The following CHN2 variants were observed in gnomAD, a reference collection of about 807,000 sequenced individuals.
CHN2 encodes the protein chimerin 2, also known as beta-chimaerin.
CHN2 carries 35 observed loss-of-function variants against 56.3 expected under a neutral mutation model. That is an observed-to-expected ratio of 0.62 (90% confidence interval 0.47 to 0.82). The LOEUF is 0.82. Among genes scored for constraint, CHN2 ranks in the 40% least tolerant of loss-of-function variants. The pLI is 0.00. For synonymous variants in CHN2, 210 were observed against 212.8 expected (o/e 0.99, Z 0.12); for missense variants, 491 against 580.5 (o/e 0.85, Z 1.58).
At chr7:29,164,656 C>T (rs1254811107) in intron 2 of CHN2, among the ~76,000 whole-genome samples, 1 of 151,698 alleles carries the variant, frequency 6.6e-6, no homozygotes, top group African/African-American at 2.4e-5. Flanking sequence ...TGGCATATGC[C>T]TGTAATCCCA....
chr7:29,363,787 T>C (rs780969399), intron 2 of CHN2, among the ~76,000 whole-genome samples: 8 of 152,032 alleles, frequency 5.3e-5, no homozygotes, highest in Non-Finnish European at 1.0e-4. Context: ...GATACTTGAA[T>C]GAAGGGAGAG....
rs115985791 is a variant in CHN2 at position 29,437,816 on chromosome 7, C to T, written c.576+36988C>T. 4.1e-3 allele frequency among the ~76,000 whole-genome samples: 621 copies of T among 152,056 alleles called. 5 individuals carry two copies. The highest frequency in any genetic ancestry group is 0.014 in the African/African-American group (585 of 41,524). On this transcript the variant is annotated intron_variant, in intron 6 of 12. Transcript: ENST00000222792. Reference sequence around the variant, plus strand: ...GGAATAAAATAAAAAGCTATTATATCATTTATATTTAAGTTAAATATACAA... The same window carrying T: ...GGAATAAAATAAAAAGCTATTATATTATTTATATTTAAGTTAAATATACAA...
chr7:29,183,040 T>C (rs1662997462), intron 2 of CHN2, among the ~76,000 whole-genome samples: 1 of 151,956 alleles, frequency 6.6e-6, no homozygotes, highest in Admixed American at 6.6e-5. Context: ...ATCTTCCCAT[T>C]ATATGAGACA....
At chr7:29,254,376 A>T (rs970889836) in intron 1 of CHN2, among the ~76,000 whole-genome samples, 8 of 152,382 alleles carry the variant, frequency 5.2e-5, no homozygotes, top group African/African-American at 1.9e-4. Flanking sequence ...TATAAAACAT[A>T]TTCAAAGTAA....
At chr7:29,415,527 C>T (rs1218354307) in intron 6 of CHN2, among the ~76,000 whole-genome samples, 1 of 152,214 alleles carries the variant, frequency 6.6e-6, no homozygotes, top group Non-Finnish European at 1.5e-5. Flanking sequence ...ACAGGCCATG[C>T]CTGGCAGAGA....
chr7:29,181,771 G>A (rs1309697766), intron 2 of CHN2, among the ~76,000 whole-genome samples: 3 of 152,002 alleles, frequency 2.0e-5, no homozygotes, highest in African/African-American at 4.8e-5. Flanking sequence ...TTTTTATATA[G>A]GTCCTAACAA....
intron 6 of CHN2, among the ~76,000 whole-genome samples, chr7:29,458,102 G>A (rs1486053621): frequency 6.6e-6 from 1 of 152,112 alleles, no homozygotes; most frequent in South Asian, 2.1e-4. Context: ...GTTATTGTAT[G>A]TCACAAAAGA....
At chr7:29,355,114 A>G (rs977971567) in intron 2 of CHN2, among the ~76,000 whole-genome samples, 2 of 151,886 alleles carry the variant, frequency 1.3e-5, no homozygotes, top group Admixed American at 6.6e-5. Context: ...GATTACAGGC[A>G]TGCGCCACCA....
chr7:29,365,611 TAGAC>T (rs1196375470), intron 2 of CHN2, among the ~76,000 whole-genome samples: 5 of 152,094 alleles, frequency 3.3e-5, no homozygotes, highest in African/African-American at 1.2e-4. Flanking sequence ...GAAGATGTCA[TAGAC>T]AGAAGGAATA....
chr7:29,326,250 T>G (rs1450628111), intron 1 of CHN2, among the ~76,000 whole-genome samples: 1 of 152,134 alleles, frequency 6.6e-6, no homozygotes, highest in African/African-American at 2.4e-5. Context: ...CTCCGCTTCC[T>G]GGGTTAAAGC....
intron 1 of CHN2, among the ~76,000 whole-genome samples, chr7:29,259,009 A>AGT (rs1481889949): frequency 1.4e-5 from 2 of 142,812 alleles, no homozygotes; most frequent in Non-Finnish European, 3.0e-5. Flanking sequence ...CACATAGTGG[A>AGT]GTACTATGTA....
At chr7:29,309,040 T>C (rs373992186) in intron 1 of CHN2, among the ~76,000 whole-genome samples, 5 of 152,098 alleles carry the variant, frequency 3.3e-5, no homozygotes, top group African/African-American at 1.2e-4. Context: ...GAATGGATGA[T>C]GAATGAATGA....
chr7:29,220,028 T>C (rs552230550), intron 1 of CHN2, among the ~76,000 whole-genome samples: 1 of 152,076 alleles, frequency 6.6e-6, no homozygotes, highest in East Asian at 1.9e-4. Context: ...TGAGCTGAGA[T>C]TGCGCCATTG....
chr7:29,388,720 CATATT>C (rs1286861887), intron 3 of CHN2, among the ~76,000 whole-genome samples: 3 of 152,060 alleles, frequency 2.0e-5, no homozygotes, highest in African/African-American at 7.2e-5. Context: ...AAATGATAGA[CATATT>C]AGAGGGCACA....
chr7:29,287,614 C>T (rs913915767), intron 1 of CHN2, among the ~76,000 whole-genome samples: 1 of 152,162 alleles, frequency 6.6e-6, no homozygotes, highest in Non-Finnish European at 1.5e-5. Context: ...TATGCCAAGA[C>T]ATGACTAAAA....
exon 1 of CHN2, chr7:29,146,603 C>T: frequency 1.9e-6 from 3 of 1,550,422 alleles, no homozygotes; most frequent in Non-Finnish European, 2.6e-6. Flanking sequence ...ACCCACAGGG[C>T]AAAAAGTGCG....
chr7:29,357,663 C>G (rs1798411414), intron 2 of CHN2, among the ~76,000 whole-genome samples: 1 of 152,182 alleles, frequency 6.6e-6, no homozygotes, highest in African/African-American at 2.4e-5. Flanking sequence ...TGCTACTCCT[C>G]TATCTCCTGG....
intron 2 of CHN2, among the ~76,000 whole-genome samples, chr7:29,362,331 G>A (rs1798802044): frequency 6.6e-6 from 1 of 152,202 alleles, no homozygotes; most frequent in South Asian, 2.1e-4. Flanking sequence ...TATTAGTGAG[G>A]GGAATAACAG....
At position 29,472,410 on chromosome 7, in the gene CHN2, G is replaced by T. The variant is rs1211832856; in HGVS notation, c.577-7869G>T. Among the ~76,000 whole-genome samples, 9 of 152,236 alleles carry T rather than the reference G, an allele frequency of 5.9e-5. No individual in the cohort carries two copies. In the East Asian group the frequency reaches 7.7e-4, roughly 13 times the overall value. On this transcript the variant is annotated intron_variant, in intron 6 of 12. Coordinates refer to ENST00000222792, the MANE Select transcript of CHN2 (RefSeq NM_004067.4). ...CCACAGAGCGTGAAAACAAAGGAAA[G>T]TGTAGATTTCCCACACCATCCAGGG...
Sources: allele counts gnomAD v4.1 joint callset (sites outside exome capture counted in the v4.1 genomes callset), GRCh38; gene constraint gnomAD v4.1.1; transcripts MANE v1.5; gene names NCBI Gene and HGNC (gene_info 2026-07-23, HGNC 2026-07-21).